Variants in TBX15 observed in about 807,000 individuals in gnomAD.
TBX15 encodes the protein T-box transcription factor TBX15.
Under a neutral mutation model 53.9 loss-of-function variants are expected in TBX15, and 18 were observed. That is an observed-to-expected ratio of 0.33 (90% CI 0.23 to 0.49). TBX15 has a LOEUF of 0.49. Ranked by LOEUF, TBX15 falls within the 20% of genes least tolerant of loss-of-function variation. TBX15 has a pLI of 0.98. For synonymous variants in TBX15, 295 were observed against 278.0 expected (o/e 1.06, Z -0.61); for missense variants, 692 against 749.5 (o/e 0.92, Z 0.90).
At chr1:118,936,145 C>T (rs1196167361) in intron 1 of TBX15, among the ~76,000 whole-genome samples, 1 of 152,150 alleles carries the variant, frequency 6.6e-6, no homozygotes, top group Non-Finnish European at 1.5e-5. Flanking sequence ...TATGGCACAG[C>T]ACATGCACAT....
intron 1 of TBX15, among the ~76,000 whole-genome samples, chr1:118,971,665 A>G (rs1334249693): frequency 2.6e-5 from 4 of 152,256 alleles, no homozygotes; most frequent in Non-Finnish European, 5.9e-5. Context: ...TCTACGACCA[A>G]TTCTAAAATG....
chr1:118,889,780 A>G (rs886391717), intron 7 of TBX15, among the ~76,000 whole-genome samples: 3 of 148,186 alleles, frequency 2.0e-5, no homozygotes, highest in Non-Finnish European at 3.0e-5. Context: ...TCATAACTGT[A>G]TCTGGCACAT....
intron 5 of TBX15, among the ~76,000 whole-genome samples, chr1:118,923,112 C>T (rs928556347): frequency 4.0e-5 from 6 of 151,836 alleles, no homozygotes; most frequent in South Asian, 4.2e-4. Flanking sequence ...TTAATTATTA[C>T]AGTTTTCTGT....
chr1:118,892,440 C>A (rs1474012222), intron 7 of TBX15, among the ~76,000 whole-genome samples: 1 of 152,012 alleles, frequency 6.6e-6, no homozygotes, highest in Non-Finnish European at 1.5e-5. Context: ...ATTTCAAAAA[C>A]CAATTACAAC....
At position 118,885,034 on chromosome 1, in the gene TBX15, G is replaced by A. The variant is rs761741110; in HGVS notation, c.1507C>T (p.Gln503Ter). 1 of 1,614,144 alleles carries A rather than the reference G, an allele frequency of 6.2e-7. No homozygotes were observed. Among genetic ancestry groups the A allele is most frequent in the Non-Finnish European group, 8.5e-7 (1 of 1,180,030 alleles). Residue 503 changes from glutamine (Q) to a stop codon, truncating the protein, a stop_gained, in exon 8 of 8, where the codon CAG becomes TAG. Coordinates refer to ENST00000369429, the MANE Select transcript of TBX15 (RefSeq NM_001330677.2). LOFTEE classifies it high-confidence loss of function. ...AGGGAGAAGGCATTGTAGGAGCTCTGCTGCATGTGGCTGCCCCCGAACATG... is the reference window on the plus strand; with the variant it reads ...AGGGAGAAGGCATTGTAGGAGCTCTACTGCATGTGGCTGCCCCCGAACATG... ...PHMFGGSHMQ[Q>*]SSYNAFSLHN...
At chr1:118,916,649 A>G (rs1227801929) in intron 5 of TBX15, among the ~76,000 whole-genome samples, 1 of 152,166 alleles carries the variant, frequency 6.6e-6, no homozygotes, top group Non-Finnish European at 1.5e-5. Flanking sequence ...GGATTGCCTG[A>G]GCTCAGGAGT....
intron 1 of TBX15, among the ~76,000 whole-genome samples, chr1:118,966,221 T>C (rs762646004): frequency 1.3e-5 from 2 of 152,320 alleles, no homozygotes; most frequent in African/African-American, 4.8e-5. Flanking sequence ...TCTTGTGACT[T>C]TGAGGTTTTG....
intron 1 of TBX15, among the ~76,000 whole-genome samples, chr1:118,980,844 C>CT (rs1293854094): frequency 6.7e-6 from 1 of 149,708 alleles, no homozygotes; most frequent in Admixed American, 6.6e-5. Context: ...TTTTTTCCTT[C>CT]TTTTTTGAGA....
chr1:118,904,148 T>C (rs1557877411), intron 6 of TBX15, among the ~76,000 whole-genome samples: 1 of 152,156 alleles, frequency 6.6e-6, no homozygotes, highest in African/African-American at 2.4e-5. Flanking sequence ...CATGAGCATT[T>C]ATTCCATGAC....
At chr1:118,923,738 A>G in intron 4 of TBX15, 135 bp from the exon 5 acceptor site, 1 of 1,046,152 alleles carries the variant, frequency 9.6e-7, no homozygotes, top group East Asian at 2.5e-5. Flanking sequence ...GAAAACTAGA[A>G]ATCAGTATAC....
intron 6 of TBX15, among the ~76,000 whole-genome samples, chr1:118,904,127 G>A (rs1654731812): frequency 6.6e-6 from 1 of 152,154 alleles, no homozygotes; most frequent in African/African-American, 2.4e-5. Context: ...TGGGAGAAGG[G>A]CAGTAGACAC....
intron 6 of TBX15, among the ~76,000 whole-genome samples, chr1:118,903,700 A>G (rs2101526334): frequency 1.3e-5 from 2 of 152,318 alleles, no homozygotes; most frequent in South Asian, 4.1e-4. Context: ...TGAAGTAATA[A>G]GAGAATTATC....
chr1:118,903,194 T>C (rs1654694222), intron 6 of TBX15, among the ~76,000 whole-genome samples: 1 of 152,166 alleles, frequency 6.6e-6, no homozygotes, highest in Non-Finnish European at 1.5e-5. Context: ...CTTTAGGCTT[T>C]TCAGGCTGCT....
chr1:118,916,445 A>G (rs990175072), intron 5 of TBX15, among the ~76,000 whole-genome samples: 22 of 152,214 alleles, frequency 1.4e-4, no homozygotes, highest in African/African-American at 5.1e-4. Flanking sequence ...GACACTTCAC[A>G]AAAGAAGACA....
At chr1:118,886,967 C>T (rs1653965393) in intron 7 of TBX15, among the ~76,000 whole-genome samples, 2 of 152,192 alleles carry the variant, frequency 1.3e-5, no homozygotes, top group East Asian at 1.9e-4. Flanking sequence ...TTCAATCCAA[C>T]CTCCTTCAGT....
intron 1 of TBX15, among the ~76,000 whole-genome samples, chr1:118,932,895 T>C (rs577386466): frequency 6.6e-6 from 1 of 152,332 alleles, no homozygotes; most frequent in East Asian, 1.9e-4. Context: ...TAAGAATCCA[T>C]TTCTCTAACC....
At chr1:118,914,055 A>G in intron 6 of TBX15, 60 bp downstream of exon 6, 1 of 1,558,036 alleles carries the variant, frequency 6.4e-7, no homozygotes, top group Non-Finnish European at 8.8e-7. Context: ...AACCATCAGC[A>G]GGATGTGAGG....
chr1:118,893,476 A>AGGAC, intron 7 of TBX15, among the ~76,000 whole-genome samples: 1 of 129,130 alleles, frequency 7.7e-6, no homozygotes, highest in South Asian at 2.8e-4. Flanking sequence ...AAAGGAAGGA[A>AGGAC]GGAAGGAAGG....
At chr1:118,948,944 C>G (rs1449778851) in intron 1 of TBX15, among the ~76,000 whole-genome samples, 2 of 152,210 alleles carry the variant, frequency 1.3e-5, no homozygotes, top group African/African-American at 4.8e-5. Flanking sequence ...AGACCTCTTT[C>G]TTGCCATTAT....
Sources: gnomAD v4.1 joint callset for allele counts (sites outside exome capture counted in the v4.1 genomes callset) on GRCh38, gnomAD v4.1.1 for gene constraint, MANE v1.5 for transcripts, NCBI Gene and HGNC (gene_info 2026-07-23, HGNC 2026-07-21) for gene names.